The following DBX1 variants were observed in gnomAD, a reference collection of about 807,000 sequenced individuals.
The protein encoded by DBX1 is homeobox protein DBX1.
DBX1 carries 10 observed loss-of-function variants against 20.8 expected under a neutral mutation model. The observed-to-expected ratio is 0.48, with a 90% confidence interval of 0.30 to 0.82. The LOEUF is 0.82. Ranked by LOEUF, DBX1 falls within the 40% of genes least tolerant of loss-of-function variation. The pLI is 0.07. For missense variants in DBX1, 505 were observed against 468.8 expected (o/e 1.08, Z -0.71); for synonymous variants, 241 against 213.9 (o/e 1.13, Z -1.11).
At position 20,160,241 on chromosome 11, in the gene DBX1, G is replaced by A. The variant is rs1403039277; in HGVS notation, c.84C>T (p.Ser28=). Residue 28 remains serine, a synonymous_variant, in exon 1 of 4, where the codon TCC becomes TCT. Transcript: ENST00000524983. ...RPTPTLTLPQ[S]LQSAFSGHSS... ...AGTGGCCGGAAAATGCCGACTGCAA[G>A]GACTGGGGCAGCGTCAAGGTGGGCG... The A allele has an allele frequency of 6.5e-7, 1 of 1,545,384 alleles. No individual in the cohort carries two copies. The highest frequency in any genetic ancestry group is 8.7e-7 in the Non-Finnish European group (1 of 1,146,366).
intron 2 of DBX1, among the ~76,000 whole-genome samples, chr11:20,158,826 T>G (rs2063673551): frequency 6.6e-6 from 1 of 152,014 alleles, no homozygotes; most frequent in East Asian, 1.9e-4. Flanking sequence ...GCTGACCAAT[T>G]GGTCATGGTG....
rs533621977 is a variant in DBX1, at chr11:20,156,876, T to G, written c.672+161A>C. ...AGAGAAGAGGGCTATCCTGCGGAGCTTCGAGGGTAGTGGCCCGTGTACTCA... is the reference window on the plus strand; with the variant it reads ...AGAGAAGAGGGCTATCCTGCGGAGCGTCGAGGGTAGTGGCCCGTGTACTCA... On this transcript the variant is annotated intron_variant, in intron 3 of 3. Transcript: ENST00000524983. This position sits in a 1 kb window ranked among gnomAD's most constrained non-coding sequence, Gnocchi z 4.8. 6.6e-6 allele frequency among the ~76,000 whole-genome samples: 1 copy of G among 152,078 alleles called. No individual in the cohort carries two copies. The highest frequency in any genetic ancestry group is 2.4e-5 in the African/African-American group (1 of 41,498).
chr11:20,160,167 T>C lies in DBX1; in HGVS notation c.158A>G (p.Tyr53Cys). The C allele has an allele frequency of 6.5e-7, 1 of 1,548,066 alleles. No homozygotes were observed. Residue 53 changes from tyrosine to cysteine, a missense_variant, in exon 1 of 4, where the codon TAC becomes TGC. Coordinates refer to ENST00000524983, the MANE Select transcript of DBX1 (RefSeq NM_001029865.4). ...DLIRISRPPA[Y>C]LPRSVPTASM... ...GGCGGTGGGCACGCTGCGGGGCAGG[T>C]AGGCGGGGGGTCGGCTGATGCGGAT...
Position 20,157,249 on chromosome 11 carries a change from G to T in DBX1, c.470-10C>A, listed in dbSNP as rs578042640. 7.7e-6 allele frequency: 12 copies of T among 1,549,604 alleles called. No individual in the cohort carries two copies. The South Asian group carries it at 8.2e-5, about 11-fold the overall frequency. ...ACCACGCTGGAGGAAGCTGCAGGGT[G>T]GGGGGAGGTGGCGAGTGAGTGGGCG... On this transcript the variant is annotated splice_polypyrimidine_tract_variant and intron_variant, in intron 2 of 3. Transcript: ENST00000524983.
chr11:20,158,878 T>C (rs754399603), intron 2 of DBX1, among the ~76,000 whole-genome samples: 3 of 151,970 alleles, frequency 2.0e-5, no homozygotes, highest in Non-Finnish European at 4.4e-5. Flanking sequence ...GCACTGACTC[T>C]GTGGGAAAAC....
At chr11:20,159,357 G>A in intron 1 of DBX1, 65 bp from the exon 2 acceptor site, 1 of 1,108,312 alleles carries the variant, frequency 9.0e-7, no homozygotes, top group Non-Finnish European at 1.4e-6. Flanking sequence ...TTACGTACTT[G>A]CCTATTGTAT....
At position 20,156,397 on chromosome 11, in the gene DBX1, G is replaced by A. The variant is rs371876111; in HGVS notation, c.849C>T (p.Gly283=). 15 of 1,603,080 alleles carry A rather than the reference G, an allele frequency of 9.4e-6. No individual in the cohort carries two copies. Among genetic ancestry groups the A allele is most frequent in the South Asian group, 8.8e-5 (8 of 90,470 alleles). ...GGTAGGCCAGGCGGTGGCTGGGGCT[G>A]CCCGGGCCCTCCTCCTCCTCTTCGT... ...PGNEEEEEGP[G]SPSHRLAYHA... The change falls in exon 4 of 4, where the codon GGC becomes GGT. Residue 283 remains glycine, a synonymous_variant. Coordinates refer to ENST00000524983, the MANE Select transcript of DBX1 (RefSeq NM_001029865.4). This position sits in a 1 kb window ranked among gnomAD's most constrained non-coding sequence, Gnocchi z 4.8.
At chr11:20,157,683 G>A (rs1330272807) in intron 2 of DBX1, among the ~76,000 whole-genome samples, 1 of 152,110 alleles carries the variant, frequency 6.6e-6, no homozygotes, top group African/African-American at 2.4e-5. Flanking sequence ...TTACTATTTT[G>A]ATAAAGAGGG....
At chr11:20,159,842 A>C in intron 1 of DBX1, 116 bp downstream of exon 1, 1 of 1,402,130 alleles carries the variant, frequency 7.1e-7, no homozygotes, top group Non-Finnish European at 9.9e-7. Context: ...GTTCGTGCGT[A>C]TTGTGTGTGC....
Position 20,160,292 on chromosome 11 carries a change from G to A in DBX1, c.33C>T (p.Ala11=). ...TGGGCCGCAGGAGGCTAGGGTACCC[G>A]GCGGGGGGCGCGAGGAGGCCGGGGA... MMFPGLLAPP[A]GYPSLLRPTP... The change falls in exon 1 of 4, where the codon GCC becomes GCT. Residue 11 remains alanine, a synonymous_variant. Coordinates refer to ENST00000524983, the MANE Select transcript of DBX1 (RefSeq NM_001029865.4). The A allele has an allele frequency of 6.5e-7, 1 of 1,530,070 alleles. No homozygotes were observed. The allele number at this position is 1,530,070 out of a possible 1,614,324, so 94.8% of individuals were successfully genotyped here. A position where few individuals can be genotyped will look rare whatever the true frequency, so the allele number is the denominator to read the frequency against.
Position 20,156,929 on chromosome 11 carries a change from T to A in DBX1, c.672+108A>T. ...CCCTCTCTAGGCCTCGGTTTTCCCA[T>A]CTGTACAGTGGGACCTAAGCCGTTT... is the stretch of plus-strand genomic sequence containing the variant. On this transcript the variant is annotated intron_variant, in intron 3 of 3. Transcript: ENST00000524983. The surrounding 1 kb of genome is among the most constrained non-coding windows in gnomAD (Gnocchi z 4.8). 1 of 1,173,932 alleles carries A rather than the reference T, an allele frequency of 8.5e-7. No homozygotes were observed. The highest frequency in any genetic ancestry group is 1.2e-6 in the Non-Finnish European group (1 of 816,508). 72.7% of individuals were successfully genotyped at this position (1,173,932 alleles called of 1,614,324 possible).
chr11:20,159,131 G>T, intron 2 of DBX1, 60 bp downstream of exon 2: 1 of 1,189,582 alleles, frequency 8.4e-7, no homozygotes, highest in Middle Eastern at 2.1e-4. Context: ...GGAGCAGGGA[G>T]CGATGGGCCG....
chr11:20,159,066 C>T, intron 2 of DBX1, 125 bp downstream of exon 2: 3 of 688,100 alleles, frequency 4.4e-6, no homozygotes, highest in Non-Finnish European at 7.6e-6. Context: ...TTATACGCCT[C>T]GCAACCTCTG....
Position 20,157,069 on chromosome 11 carries a change from G to A in DBX1, c.640C>T (p.Leu214=). 1 of 1,614,022 alleles carries A rather than the reference G, an allele frequency of 6.2e-7. No individual in the cohort carries two copies. The highest frequency in any genetic ancestry group is 8.5e-7 in the Non-Finnish European group (1 of 1,180,002). The change falls in exon 3 of 4, where the codon CTG becomes TTG. Residue 214 remains leucine, a synonymous_variant. Coordinates refer to ENST00000524983, the MANE Select transcript of DBX1 (RefSeq NM_001029865.4). ...TCTTTCAGGCCCAGCTTGGCCGCCA[G>A]CTTCTTGCGGTCGGGCTTGCTGATG... ...KYISKPDRKK[L]AAKLGLKDSQ...
intron 2 of DBX1, among the ~76,000 whole-genome samples, chr11:20,157,684 A>G (rs534880403): frequency 2.6e-5 from 4 of 152,312 alleles, no homozygotes; most frequent in Admixed American, 1.3e-4. Flanking sequence ...TACTATTTTG[A>G]TAAAGAGGGA....
At chr11:20,159,112 T>C (rs1475367296) in intron 2 of DBX1, 79 bp downstream of exon 2, 1 of 1,012,524 alleles carries the variant, frequency 9.9e-7, no homozygotes, top group African/African-American at 1.6e-5. Context: ...GACGGAGAAA[T>C]ACGGCTTCGG....
chr11:20,160,219 G>A lies in DBX1; in HGVS notation c.106C>T (p.His36Tyr), dbSNP rs1186725988. The A allele has an allele frequency of 6.5e-7, 1 of 1,547,032 alleles. No individual in the cohort carries two copies. Among genetic ancestry groups the A allele is most frequent in the Admixed American group, 2.0e-5 (1 of 50,980 alleles). Residue 36 changes from histidine (H) to tyrosine (Y), a missense_variant, in exon 1 of 4, where the codon CAC (histidine) becomes TAC (tyrosine). Coordinates refer to ENST00000524983, the MANE Select transcript of DBX1 (RefSeq NM_001029865.4). ...AGATCCTCCACCAGGAAGCTGGAGT[G>A]GCCGGAAAATGCCGACTGCAAGGAC... ...PQSLQSAFSG[H>Y]SSFLVEDLIR...
intron 1 of DBX1, 91 bp downstream of exon 1, chr11:20,159,867 G>A (rs2063679086): frequency 1.3e-6 from 2 of 1,567,366 alleles, no homozygotes; most frequent in East Asian, 2.2e-5. Flanking sequence ...ATGTGTGTGT[G>A]GGGGCCCGCT....
Position 20,156,313 on chromosome 11 carries a change from G to C in DBX1, c.933C>G (p.Pro311=), listed in dbSNP as rs576926086. The C allele has an allele frequency of 1.9e-6, 3 of 1,564,960 alleles. No individual in the cohort carries two copies. The East Asian group carries it at 6.8e-5, about 35-fold the overall frequency. Residue 311 remains proline, a synonymous_variant, in exon 4 of 4, where the codon CCC becomes CCG. Transcript: ENST00000524983. The surrounding 1 kb of genome is among the most constrained non-coding windows in gnomAD (Gnocchi z 4.8). ...CGGGACTGCTCGAGTGCGCGGGCGA[G>C]GGGGGCAGCGGCCCTGGCAGCCGCG... ...RDPRLPGPLP[P]SPAHSSSPGK... is the part of the protein sequence containing the mutation.
Sources: allele counts gnomAD v4.1 joint callset (sites outside exome capture counted in the v4.1 genomes callset), GRCh38; gene constraint gnomAD v4.1.1; non-coding constraint Gnocchi (gnomAD v3.1); transcripts MANE v1.5; gene names NCBI Gene and HGNC (gene_info 2026-07-23, HGNC 2026-07-21).